Variants in MYO1D observed in about 807,000 individuals in gnomAD.
The protein encoded by MYO1D is unconventional myosin-Id.
Under a neutral mutation model 122.0 loss-of-function variants are expected in MYO1D, and 83 were observed. The ratio of observed to expected loss-of-function variants is 0.68; its 90% confidence interval spans 0.57 to 0.82. The LOEUF is 0.82. Ranked by LOEUF, MYO1D falls within the 40% of genes least tolerant of loss-of-function variation. The probability of loss-of-function intolerance (pLI) is 0.00; values close to 1 mark genes in which losing one functional copy is unlikely to be tolerated. For missense variants in MYO1D, 1,157 were observed against 1,269.5 expected (o/e 0.91, Z 1.35); for synonymous variants, 464 against 446.9 (o/e 1.04, Z -0.48).
At chr17:32,620,340 G>C (rs321149) in intron 20 of MYO1D, among the ~76,000 whole-genome samples, 88,443 of 152,062 alleles carry the variant, frequency 0.58, 26,497 homozygotes, top group African/African-American at 0.71. Flanking sequence ...CTGATGAGAG[G>C]TGGAGGTATC....
intron 1 of MYO1D, among the ~76,000 whole-genome samples, chr17:32,860,251 T>C (rs945615894): frequency 1.3e-5 from 2 of 152,226 alleles, no homozygotes; most frequent in East Asian, 3.8e-4. Context: ...AGAACCTCTC[T>C]TATCATTAGC....
At chr17:32,700,816 C>A (rs2729334) in intron 16 of MYO1D, among the ~76,000 whole-genome samples, 1 of 151,348 alleles carries the variant, frequency 6.6e-6, no homozygotes, top group African/African-American at 2.4e-5. Flanking sequence ...TGGTGGTGTG[C>A]GCCTGTAATA....
chr17:32,518,279 A>T (rs1194754737), intron 21 of MYO1D: 1 of 161,684 alleles, frequency 6.2e-6, no homozygotes, highest in African/African-American at 2.4e-5. Flanking sequence ...TCCTGCCCTC[A>T]TGGAGCTCAG....
chr17:32,544,440 TA>T (rs2086947482), intron 21 of MYO1D, among the ~76,000 whole-genome samples: 2 of 152,152 alleles, frequency 1.3e-5, no homozygotes, highest in African/African-American at 2.4e-5. Flanking sequence ...GCTTTTCTTT[TA>T]AAAATTCTAC....
In MYO1D at chr17:32,749,989, A is replaced by G. The variant is rs141194818; in HGVS notation, c.1468-983T>C. ...TTAAGCAATTGGCCCAAGATCACAT[A>G]GCTAGTAAGTGGTACCCCTGGAAAG... On this transcript the variant is annotated intron_variant, in intron 11 of 21. Coordinates refer to ENST00000318217, the MANE Select transcript of MYO1D (RefSeq NM_015194.3). Among the ~76,000 whole-genome samples, 73 of 152,330 alleles carry G rather than the reference A, an allele frequency of 4.8e-4. 1 individual carries two copies. Among genetic ancestry groups the G allele is most frequent in the African/African-American group, 1.7e-3 (72 of 41,572 alleles).
chr17:32,875,276 C>A lies in MYO1D; in HGVS notation c.95+1502G>T, dbSNP rs16967695. ...AGTAGAATCTCTTAATTTAAAACAACCTTAATCTATGAAATTGCTATGTAA... is the reference window on the plus strand; with the variant it reads ...AGTAGAATCTCTTAATTTAAAACAAACTTAATCTATGAAATTGCTATGTAA... On this transcript the variant is annotated intron_variant, in intron 1 of 21. Coordinates refer to ENST00000318217, the MANE Select transcript of MYO1D (RefSeq NM_015194.3). 2.1e-3 allele frequency among the ~76,000 whole-genome samples: 314 copies of A among 152,260 alleles called. 1 individual carries two copies. Among genetic ancestry groups the A allele is most frequent in the African/African-American group, 7.3e-3 (304 of 41,532 alleles).
At chr17:32,555,061 G>A (rs567627704) in intron 21 of MYO1D, among the ~76,000 whole-genome samples, 6 of 152,164 alleles carry the variant, frequency 3.9e-5, no homozygotes, top group Admixed American at 2.6e-4. Context: ...AAACAATTAC[G>A]GATATGAATA....
chr17:32,659,002 AAATGT>A, intron 17 of MYO1D, 108 bp downstream of exon 17: 1 of 1,009,482 alleles, frequency 9.9e-7, no homozygotes, highest in South Asian at 1.5e-5. Flanking sequence ...AGGTAAAGGT[AAATGT>A]CATAACAGCA....
At chr17:32,571,458 A>G (rs987854391) in intron 21 of MYO1D, among the ~76,000 whole-genome samples, 1 of 152,116 alleles carries the variant, frequency 6.6e-6, no homozygotes, top group African/African-American at 2.4e-5. Flanking sequence ...CAATTCCACT[A>G]AATTTGCCAT....
chr17:32,576,632 T>C (rs970014444), intron 21 of MYO1D, among the ~76,000 whole-genome samples: 4 of 152,172 alleles, frequency 2.6e-5, no homozygotes, highest in African/African-American at 9.6e-5. Context: ...CTGCCTCTTT[T>C]TAAAAAGGGT....
At chr17:32,743,225 G>C (rs573610618) in intron 13 of MYO1D, among the ~76,000 whole-genome samples, 2 of 152,056 alleles carry the variant, frequency 1.3e-5, no homozygotes, top group Non-Finnish European at 1.5e-5. Flanking sequence ...TCACTCCCTA[G>C]ATACTCTCAT....
Position 32,494,970 on chromosome 17 carries a change from C to A in MYO1D, c.2865-55G>T, listed in dbSNP as rs978035871. 2.6e-6 allele frequency: 4 copies of A among 1,512,776 alleles called. 1 individual carries two copies. The highest frequency in any genetic ancestry group is 1.8e-6 in the Non-Finnish European group (2 of 1,122,222). The allele number at this position is 1,512,776 out of a possible 1,614,324, so 93.7% of individuals were successfully genotyped here. ...GTTAGCAGGCAGCATGAGAACAGGG[C>A]ACCTGCCCGGCAGCTCCCGGCCACC... On this transcript the variant is annotated intron_variant, in intron 21 of 21. Transcript: ENST00000318217.
chr17:32,874,650 T>C (rs2091213684), intron 1 of MYO1D, among the ~76,000 whole-genome samples: 1 of 152,140 alleles, frequency 6.6e-6, no homozygotes, highest in South Asian at 2.1e-4. Context: ...CGGCCGGGCA[T>C]GGTGGCTCAC....
chr17:32,522,081 CAAAAAAAAA>C (rs35096680), intron 21 of MYO1D, among the ~76,000 whole-genome samples: 1 of 63,250 alleles, frequency 1.6e-5, no homozygotes, highest in Non-Finnish European at 2.8e-5. Context: ...GACTCTGTCT[CAAAAAAAAA>C]AAAAAAAAAA....
intron 1 of MYO1D, among the ~76,000 whole-genome samples, chr17:32,785,829 C>T (rs1450045361): frequency 2.0e-5 from 3 of 152,110 alleles, no homozygotes; most frequent in Non-Finnish European, 4.4e-5. Flanking sequence ...AGGGTTGAGT[C>T]TAGTATCACT....
chr17:32,843,059 T>G (rs926790249), intron 1 of MYO1D, among the ~76,000 whole-genome samples: 1 of 151,936 alleles, frequency 6.6e-6, no homozygotes, highest in Non-Finnish European at 1.5e-5. Context: ...CCAGCTAATT[T>G]TTGTATTTTT....
At chr17:32,698,533 CAT>C (rs1229023814) in intron 16 of MYO1D, among the ~76,000 whole-genome samples, 3 of 152,178 alleles carry the variant, frequency 2.0e-5, no homozygotes, top group Admixed American at 2.0e-4. Context: ...CCCATCACTT[CAT>C]GTCTCTATCT....
intron 1 of MYO1D, among the ~76,000 whole-genome samples, chr17:32,857,332 T>A (rs567328282): frequency 1.3e-5 from 2 of 152,158 alleles, no homozygotes; most frequent in Non-Finnish European, 2.9e-5. Flanking sequence ...ATGCCTGTAA[T>A]CCCAGCACTT....
intron 1 of MYO1D, among the ~76,000 whole-genome samples, chr17:32,791,805 C>G (rs1348725931): frequency 6.6e-6 from 1 of 152,108 alleles, no homozygotes; most frequent in African/African-American, 2.4e-5. Context: ...GCAAGATAGA[C>G]TCTTAGTAAA....
Sources: gnomAD v4.1 joint callset for allele counts (sites outside exome capture counted in the v4.1 genomes callset) on GRCh38, gnomAD v4.1.1 for gene constraint, MANE v1.5 for transcripts, NCBI Gene and HGNC (gene_info 2026-07-23, HGNC 2026-07-21) for gene names.